ROBO1: variants seen among roughly 807,000 people sequenced by gnomAD.
The protein encoded by ROBO1 is roundabout homolog 1.
ROBO1 carries 149 observed loss-of-function variants against 195.9 expected under a neutral mutation model. The observed-to-expected ratio is 0.76, with a 90% CI of 0.67 to 0.87. The LOEUF (loss-of-function observed/expected upper bound fraction) is 0.87, where lower values mean the gene tolerates loss of function less well. Among genes scored for constraint, ROBO1 ranks in the 40% least tolerant of loss-of-function variants. ROBO1 has a pLI of 0.00. For synonymous variants in ROBO1, 816 were observed against 733.2 expected, an observed-to-expected ratio of 1.11 and a Z score of -1.82; for missense variants, 1,933 against 2,068.3, an observed-to-expected ratio of 0.93 and a Z score of 1.27.
chr3:78,626,561 T>C (rs1332360982), intron 26 of ROBO1, among the ~76,000 whole-genome samples: 2 of 152,152 alleles, frequency 1.3e-5, no homozygotes, highest in East Asian at 1.9e-4. Context: ...AAATAATGTA[T>C]ACATATAATG....
intron 2 of ROBO1, among the ~76,000 whole-genome samples, chr3:79,245,216 A>T (rs1038509042): frequency 1.3e-5 from 2 of 152,116 alleles, no homozygotes; most frequent in Non-Finnish European, 2.9e-5. Flanking sequence ...ATCTGGACAG[A>T]ATAAGATTTT....
At chr3:78,922,605 C>CTTTTTTT (rs565147879) in intron 4 of ROBO1, among the ~76,000 whole-genome samples, 11 of 123,142 alleles carry the variant, frequency 8.9e-5, no homozygotes, top group South Asian at 2.7e-4. Flanking sequence ...TCTTCTTCTT[C>CTTTTTTT]TTTTTTTTTT....
intron 2 of ROBO1, among the ~76,000 whole-genome samples, chr3:79,173,370 C>T (rs979029399): frequency 7.2e-5 from 11 of 152,228 alleles, no homozygotes; most frequent in South Asian, 4.2e-4. Flanking sequence ...GGGCTGCGCG[C>T]GGTGCTTGCA....
intron 3 of ROBO1, among the ~76,000 whole-genome samples, chr3:79,097,848 A>T (rs2079598658): frequency 1.3e-5 from 2 of 151,490 alleles, no homozygotes; most frequent in Non-Finnish European, 3.0e-5. Context: ...TAAATTACCT[A>T]CATGCAGTTT....
At chr3:79,189,954 G>A (rs1484551720) in intron 2 of ROBO1, among the ~76,000 whole-genome samples, 1 of 151,528 alleles carries the variant, frequency 6.6e-6, no homozygotes, top group Admixed American at 6.6e-5. Context: ...TGATACTGAA[G>A]CCAAAATTGG....
At chr3:79,687,764 T>A (rs2107043308) in intron 1 of ROBO1, among the ~76,000 whole-genome samples, 1 of 152,318 alleles carries the variant, frequency 6.6e-6, no homozygotes, top group Non-Finnish European at 1.5e-5. Flanking sequence ...ACTTTTACAC[T>A]GCTGGTGGGA....
chr3:79,695,993 G>A (rs1487726722), intron 1 of ROBO1, among the ~76,000 whole-genome samples: 1 of 151,278 alleles, frequency 6.6e-6, no homozygotes, highest in Non-Finnish European at 1.5e-5. Context: ...TTGGGGAGGG[G>A]GTTCTGTGTT....
chr3:79,163,157 C>T (rs1201789275), intron 2 of ROBO1, among the ~76,000 whole-genome samples: 1 of 152,046 alleles, frequency 6.6e-6, no homozygotes, highest in Non-Finnish European at 1.5e-5. Context: ...ATTCTGTACC[C>T]ACTAAACAAG....
At chr3:79,252,535 C>T (rs1277934361) in intron 2 of ROBO1, among the ~76,000 whole-genome samples, 1 of 152,130 alleles carries the variant, frequency 6.6e-6, no homozygotes, top group African/African-American at 2.4e-5. Context: ...TTTGGTTTTT[C>T]GGCTTCCAGA....
chr3:79,393,449 T>C (rs913217293), intron 2 of ROBO1, among the ~76,000 whole-genome samples: 2 of 152,192 alleles, frequency 1.3e-5, no homozygotes, highest in Admixed American at 6.5e-5. Flanking sequence ...ATCTGTGTAG[T>C]TTGAATCAAG....
intron 2 of ROBO1, among the ~76,000 whole-genome samples, chr3:79,370,577 T>C (rs1481688629): frequency 1.3e-5 from 2 of 151,810 alleles, no homozygotes; most frequent in African/African-American, 4.8e-5. Flanking sequence ...TCATGTCTTG[T>C]ACTACCCTAA....
chr3:79,300,719 C>A (rs1039871129), intron 2 of ROBO1, among the ~76,000 whole-genome samples: 5 of 152,178 alleles, frequency 3.3e-5, no homozygotes, highest in African/African-American at 9.6e-5. Flanking sequence ...ATGTCTAGCT[C>A]AGGGATTGTA....
chr3:79,420,669 GT>G (rs2038186715), intron 2 of ROBO1, among the ~76,000 whole-genome samples: 1 of 152,120 alleles, frequency 6.6e-6, no homozygotes, highest in Non-Finnish European at 1.5e-5. Context: ...ATAGAATGCA[GT>G]GAAAGCAATG....
At position 79,337,764 on chromosome 3, in the gene ROBO1, T is replaced by C. The variant is rs17016883; in HGVS notation, c.89-212225A>G. Reference sequence around the variant, plus strand: ...AATTTTCTTACAAAGCCTCATGCTATGCTAAAATATGTGCTGCAACTTGTT... The same window carrying C: ...AATTTTCTTACAAAGCCTCATGCTACGCTAAAATATGTGCTGCAACTTGTT... On this transcript the variant is annotated intron_variant, in intron 2 of 30. Transcript: ENST00000464233. 8.2e-3 allele frequency among the ~76,000 whole-genome samples: 1,249 copies of C among 152,322 alleles called. 23 individuals are homozygous for C. The highest frequency in any genetic ancestry group is 0.029 in the African/African-American group (1,210 of 41,582).
intron 5 of ROBO1, among the ~76,000 whole-genome samples, chr3:78,739,911 G>A (rs1439080197): frequency 1.3e-5 from 2 of 152,152 alleles, no homozygotes; most frequent in African/African-American, 2.4e-5. Context: ...GCATAGCAGA[G>A]TTGTTATATA....
chr3:79,725,513 A>ACCG (rs1702885946), intron 1 of ROBO1, among the ~76,000 whole-genome samples: 4 of 152,118 alleles, frequency 2.6e-5, no homozygotes, highest in African/African-American at 9.7e-5. Context: ...GGCGTGAGCC[A>ACCG]CCGCGCCCGG....
chr3:79,255,458 A>G (rs2082814075), intron 2 of ROBO1, among the ~76,000 whole-genome samples: 1 of 152,148 alleles, frequency 6.6e-6, no homozygotes, highest in Non-Finnish European at 1.5e-5. Flanking sequence ...ACAAAATTGT[A>G]TTGTTCTTGT....
chr3:79,317,793 G>T (rs780154411), intron 2 of ROBO1, among the ~76,000 whole-genome samples: 2 of 151,908 alleles, frequency 1.3e-5, no homozygotes, highest in Non-Finnish European at 2.9e-5. Context: ...TTTAGTCAGG[G>T]TTCTCTGGAT....
At chr3:79,194,360 C>CA (rs959493278) in intron 2 of ROBO1, among the ~76,000 whole-genome samples, 4 of 151,538 alleles carry the variant, frequency 2.6e-5, no homozygotes, top group African/African-American at 4.8e-5. Flanking sequence ...AGATGTCACG[C>CA]AAAAAAGTCA....
Sources: allele counts gnomAD v4.1 joint callset (sites outside exome capture counted in the v4.1 genomes callset), GRCh38; gene constraint gnomAD v4.1.1; transcripts MANE v1.5; gene names NCBI Gene and HGNC (gene_info 2026-07-23, HGNC 2026-07-21).